DLGAP1: variants seen among roughly 807,000 people sequenced by gnomAD.
The protein encoded by DLGAP1 is disks large-associated protein 1.
A neutral mutation model predicts 90.8 loss-of-function variants in DLGAP1; 11 were observed. That is an observed-to-expected ratio of 0.12 (90% CI 0.08 to 0.20). The LOEUF is 0.20. Among genes scored for constraint, DLGAP1 ranks in the 10% least tolerant of loss-of-function variants. DLGAP1 has a pLI of 1.00. For missense variants in DLGAP1, 1,050 were observed against 1,333.8 expected, an observed-to-expected ratio of 0.79 and a Z score of 3.31; for synonymous variants, 558 against 540.7, an observed-to-expected ratio of 1.03 and a Z score of -0.44.
chr18:4,342,643 G>T lies in DLGAP1; in HGVS notation c.-267+112363C>A, dbSNP rs1342741876. ...GAGGGAAATTAGCTCTATTGAAAATGTATTTGTTTTGGTTTTGGTTAATAC... is the reference window on the plus strand; with the variant it reads ...GAGGGAAATTAGCTCTATTGAAAATTTATTTGTTTTGGTTTTGGTTAATAC... On this transcript the variant is annotated intron_variant, in intron 1 of 12. Coordinates refer to ENST00000315677, the MANE Select transcript of DLGAP1 (RefSeq NM_004746.4). This position sits in a 1 kb window ranked among gnomAD's most constrained non-coding sequence, Gnocchi z 5.8. Among the ~76,000 whole-genome samples the T allele has an allele frequency of 1.3e-5, 2 of 152,112 alleles. No homozygotes were observed. The highest frequency in any genetic ancestry group is 4.8e-5 in the African/African-American group (2 of 41,426).
chr18:3,588,197 C>T (rs941715560), intron 7 of DLGAP1, among the ~76,000 whole-genome samples: 4 of 152,312 alleles, frequency 2.6e-5, no homozygotes, highest in Admixed American at 6.5e-5. Context: ...CTGTGGCTCA[C>T]GCCTGTAATC....
intron 1 of DLGAP1, among the ~76,000 whole-genome samples, chr18:4,177,733 C>T (rs2077134350): frequency 6.6e-6 from 1 of 151,968 alleles, no homozygotes; most frequent in Non-Finnish European, 1.5e-5. Flanking sequence ...TTTTTTGTTA[C>T]TGTGTTAGTT....
intron 1 of DLGAP1, among the ~76,000 whole-genome samples, chr18:4,229,216 G>C (rs2078250672): frequency 6.6e-6 from 1 of 151,960 alleles, no homozygotes; most frequent in Non-Finnish European, 1.5e-5. Context: ...TATGTTTATA[G>C]ATTGGAAGAA....
At chr18:3,723,769 A>G (rs974785912) in intron 7 of DLGAP1, among the ~76,000 whole-genome samples, 2 of 152,168 alleles carry the variant, frequency 1.3e-5, no homozygotes, top group Non-Finnish European at 2.9e-5. Flanking sequence ...AGTGTTTCAG[A>G]GCTGCCAGGA....
intron 1 of DLGAP1, among the ~76,000 whole-genome samples, chr18:4,273,425 C>T (rs1416232502): frequency 6.6e-6 from 1 of 152,190 alleles, no homozygotes; most frequent in Non-Finnish European, 1.5e-5. Flanking sequence ...TGTTCCATGG[C>T]ACAGCATTAC....
In DLGAP1 at chr18:4,378,713, CTACT is replaced by C. The variant is rs1473486478; in HGVS notation, c.-267+76289_-267+76292del. ...TTGTCCTCTTGAGAACTTTAACTTA[CTACT>C]TAATCTGAACCCATTTTATCTGTTT... is the stretch of plus-strand genomic sequence containing the variant. On this transcript the variant is annotated intron_variant, in intron 1 of 12. Transcript: ENST00000315677. The surrounding 1 kb of genome is among the most constrained non-coding windows in gnomAD (Gnocchi z 4.5). 1.6e-4 allele frequency among the ~76,000 whole-genome samples: 24 copies of C among 152,148 alleles called. No individual in the cohort carries two copies. Among genetic ancestry groups the C allele is most frequent in the Admixed American group, 1.5e-3 (23 of 15,270 alleles).
intron 6 of DLGAP1, among the ~76,000 whole-genome samples, chr18:3,737,290 A>C (rs2062686652): frequency 6.6e-6 from 1 of 152,238 alleles, no homozygotes; most frequent in South Asian, 2.1e-4. Context: ...CATCATTCTG[A>C]TACCAAAGCC....
intron 3 of DLGAP1, among the ~76,000 whole-genome samples, chr18:3,891,718 A>G (rs939587117): frequency 6.6e-6 from 1 of 152,204 alleles, no homozygotes; most frequent in Non-Finnish European, 1.5e-5. Context: ...TCTGGATAAG[A>G]AAACAGACTT....
intron 1 of DLGAP1, among the ~76,000 whole-genome samples, chr18:4,157,851 T>C (rs1253370464): frequency 1.3e-5 from 2 of 152,152 alleles, no homozygotes; most frequent in South Asian, 2.1e-4. Flanking sequence ...CAAGACGCCA[T>C]GCTCGCCACT....
chr18:3,837,882 G>A (rs1308059850), intron 4 of DLGAP1, among the ~76,000 whole-genome samples: 110 of 60,408 alleles, frequency 1.8e-3, no homozygotes, highest in South Asian at 3.0e-3. Context: ...AAAAAAAAAA[G>A]TCAGGGACAA....
At chr18:4,213,165 C>T (rs1288831864) in intron 1 of DLGAP1, among the ~76,000 whole-genome samples, 1 of 152,068 alleles carries the variant, frequency 6.6e-6, no homozygotes, top group Non-Finnish European at 1.5e-5. Context: ...AAGCAGATGC[C>T]AAAGCAAATT....
chr18:3,649,724 T>G (rs2059229555), intron 7 of DLGAP1, among the ~76,000 whole-genome samples: 1 of 151,322 alleles, frequency 6.6e-6, no homozygotes, highest in Non-Finnish European at 1.5e-5. Context: ...TTCTACACTG[T>G]GCAGAAATAG....
At chr18:3,504,819 A>C (rs1320358334) in intron 11 of DLGAP1, among the ~76,000 whole-genome samples, 1 of 152,218 alleles carries the variant, frequency 6.6e-6, no homozygotes, top group African/African-American at 2.4e-5. Flanking sequence ...CCATTCTCCA[A>C]ATCAGTGAGT....
At chr18:4,250,061 C>G (rs1247690898) in intron 1 of DLGAP1, among the ~76,000 whole-genome samples, 2 of 152,208 alleles carry the variant, frequency 1.3e-5, no homozygotes, top group Non-Finnish European at 2.9e-5. Flanking sequence ...TTAGATCCCA[C>G]TAAGCAAATC....
At chr18:3,587,928 G>A (rs2055989456) in intron 7 of DLGAP1, among the ~76,000 whole-genome samples, 1 of 152,116 alleles carries the variant, frequency 6.6e-6, no homozygotes, top group Non-Finnish European at 1.5e-5. Flanking sequence ...AAATGTAAGT[G>A]GAACTTGAAA....
At chr18:3,828,946 A>T (rs1015183137) in intron 4 of DLGAP1, among the ~76,000 whole-genome samples, 5 of 152,230 alleles carry the variant, frequency 3.3e-5, no homozygotes, top group Non-Finnish European at 7.3e-5. Context: ...AGCCAGGTAC[A>T]TGGTAAAGTC....
intron 1 of DLGAP1, among the ~76,000 whole-genome samples, chr18:4,403,405 T>C: frequency 6.6e-6 from 1 of 152,110 alleles, no homozygotes. Context: ...TTTTCAAAAC[T>C]CGGTATTACA....
At chr18:4,243,134 T>C (rs938925497) in intron 1 of DLGAP1, among the ~76,000 whole-genome samples, 4 of 152,230 alleles carry the variant, frequency 2.6e-5, no homozygotes, top group African/African-American at 9.6e-5. Flanking sequence ...AGAATCATTC[T>C]TGGACACCTA....
chr18:4,351,895 GT>G (rs1043920273), intron 1 of DLGAP1, among the ~76,000 whole-genome samples: 1 of 152,058 alleles, frequency 6.6e-6, no homozygotes, highest in Non-Finnish European at 1.5e-5. Context: ...ACTCAAATGT[GT>G]TTTTTTCTTT....
Sources: allele counts gnomAD v4.1 joint callset (sites outside exome capture counted in the v4.1 genomes callset), GRCh38; gene constraint gnomAD v4.1.1; non-coding constraint Gnocchi (gnomAD v3.1); transcripts MANE v1.5; gene names NCBI Gene and HGNC (gene_info 2026-07-23, HGNC 2026-07-21).